Variants in CLSTN1 observed in about 807,000 individuals in gnomAD.
The protein encoded by CLSTN1 is calsyntenin 1, also known as calsyntenin-1.
In CLSTN1, 28 loss-of-function variants were observed where a neutral mutation model predicts 108.3. That is an observed-to-expected ratio of 0.26 (90% CI 0.19 to 0.35). The LOEUF (loss-of-function observed/expected upper bound fraction) is 0.35. CLSTN1 is among the 10% of genes least tolerant of loss of function. CLSTN1 has a pLI of 1.00. For synonymous variants in CLSTN1, 524 were observed against 534.9 expected, an observed-to-expected ratio of 0.98 and a Z score of 0.28; for missense variants, 1,157 against 1,302.6, an observed-to-expected ratio of 0.89 and a Z score of 1.72.
At chr1:9,772,104 G>C (rs1454077705) in intron 2 of CLSTN1, among the ~76,000 whole-genome samples, 1 of 140,124 alleles carries the variant, frequency 7.1e-6, no homozygotes, top group Non-Finnish European at 1.5e-5. Context: ...TGCCTCCGGA[G>C]TACCTAGGAC....
chr1:9,755,388 C>T (rs1292804890), intron 3 of CLSTN1, 79 bp from the exon 4 acceptor site: 1 of 1,193,214 alleles, frequency 8.4e-7, no homozygotes. Context: ...CCCATCTCCA[C>T]CCCCAAAGAA....
chr1:9,784,468 A>G (rs1302929987), intron 1 of CLSTN1, among the ~76,000 whole-genome samples: 1 of 152,188 alleles, frequency 6.6e-6, no homozygotes, highest in East Asian at 1.9e-4. Flanking sequence ...AGATCTCACC[A>G]CTGCAGTCCA....
chr1:9,789,796 T>C lies in CLSTN1; in HGVS notation c.92-16402A>G, dbSNP rs532337796. Among the ~76,000 whole-genome samples, 26 of 151,402 alleles carry C rather than the reference T, an allele frequency of 1.7e-4. 2 individuals are homozygous for C. The South Asian group carries it at 5.4e-3, about 31-fold the overall frequency. ...GAGTTCAAAATCAGCTAAGGCAACATGGCGAAACCCGTCTCTAGTAAAAAA... is the reference window on the plus strand; with the variant it reads ...GAGTTCAAAATCAGCTAAGGCAACACGGCGAAACCCGTCTCTAGTAAAAAA... On this transcript the variant is annotated intron_variant, in intron 1 of 18. Transcript: ENST00000377298.
At chr1:9,794,094 C>A (rs1390175297) in intron 1 of CLSTN1, among the ~76,000 whole-genome samples, 1 of 151,466 alleles carries the variant, frequency 6.6e-6, no homozygotes, top group Non-Finnish European at 1.5e-5. Context: ...AAGGCACTCA[C>A]ACTTTGTAAA....
At chr1:9,788,867 CAAAAAAAAAAAAA>C (rs56093052) in intron 1 of CLSTN1, among the ~76,000 whole-genome samples, 1 of 76,278 alleles carries the variant, frequency 1.3e-5, no homozygotes, top group African/African-American at 5.1e-5. Context: ...GACTCCGTCT[CAAAAAAAAAAAAA>C]AAAAAAAACA....
In CLSTN1 at chr1:9,755,132, T is replaced by C. The variant is rs1269318534; in HGVS notation, c.422A>G (p.Asn141Ser). The C allele has an allele frequency of 6.2e-7, 1 of 1,610,974 alleles. No individual in the cohort carries two copies. Among genetic ancestry groups the C allele is most frequent in the Admixed American group, 1.7e-5 (1 of 59,786 alleles). ...TACTTACTTATGAGACTTTTTCACG[T>C]TGGTGCCATCAGGTCCCTTCCCACA... ...YDCGKGPDGT[N>S]VKKSHKATVH... The change falls in exon 4 of 19, where the codon AAC becomes AGC. Residue 141 changes from asparagine (N) to serine (S), a missense_variant. Transcript: ENST00000377298.
intron 7 of CLSTN1, among the ~76,000 whole-genome samples, chr1:9,746,692 C>T (rs959436662): frequency 2.0e-5 from 3 of 151,300 alleles, no homozygotes; most frequent in African/African-American, 4.9e-5. Flanking sequence ...CCAGCCTGGG[C>T]GACAGTGAGA....
chr1:9,811,737 A>C (rs1186513387), intron 1 of CLSTN1, among the ~76,000 whole-genome samples: 1 of 152,030 alleles, frequency 6.6e-6, no homozygotes, highest in Non-Finnish European at 1.5e-5. Context: ...ATGGCAAAAA[A>C]AAAAAAAAAA....
At chr1:9,746,906 G>A (rs995660717) in intron 7 of CLSTN1, among the ~76,000 whole-genome samples, 8 of 151,968 alleles carry the variant, frequency 5.3e-5, no homozygotes, top group African/African-American at 1.4e-4. Flanking sequence ...AAGGCCAGGC[G>A]CAGTGGCTCA....
chr1:9,743,265 A>C (rs1651070432), intron 9 of CLSTN1, among the ~76,000 whole-genome samples: 1 of 152,180 alleles, frequency 6.6e-6, no homozygotes, highest in Admixed American at 6.5e-5. Context: ...TATCACAGCA[A>C]CTGCTAGAAA....
chr1:9,741,055 T>TTA, intron 10 of CLSTN1, 39 bp downstream of exon 10: 1 of 1,599,520 alleles, frequency 6.3e-7, no homozygotes, highest in Non-Finnish European at 8.5e-7. Flanking sequence ...GAGGTACAAC[T>TTA]TAATTCTCGA....
At chr1:9,743,226 G>A (rs946972122) in intron 9 of CLSTN1, among the ~76,000 whole-genome samples, 9 of 152,280 alleles carry the variant, frequency 5.9e-5, no homozygotes, top group East Asian at 1.9e-4. Context: ...CCTGTAGCAC[G>A]TGGGGTTTTT....
chr1:9,761,004 C>G (rs183116129), intron 2 of CLSTN1, among the ~76,000 whole-genome samples: 1 of 152,100 alleles, frequency 6.6e-6, no homozygotes, highest in African/African-American at 2.4e-5. Context: ...CTCCCTCCCA[C>G]TCAATTCAGC....
chr1:9,772,547 T>A (rs1652742819), intron 2 of CLSTN1, among the ~76,000 whole-genome samples: 2 of 152,154 alleles, frequency 1.3e-5, no homozygotes, highest in African/African-American at 2.4e-5. Flanking sequence ...CAACTCCAAC[T>A]CTGAGGCAGA....
At chr1:9,768,498 T>C (rs187826460) in intron 2 of CLSTN1, among the ~76,000 whole-genome samples, 1,052 of 91,612 alleles carry the variant, frequency 0.011, 24 homozygotes, top group Middle Eastern at 0.018. Context: ...CTGTGCTGGG[T>C]GGCACCATGG....
chr1:9,749,534 C>T lies in CLSTN1; in HGVS notation c.912G>A (p.Glu304=). 1.2e-6 allele frequency: 2 copies of T among 1,614,234 alleles called. No homozygotes were observed. Among genetic ancestry groups the T allele is most frequent in the Non-Finnish European group, 1.7e-6 (2 of 1,180,048 alleles). ...EPVASVQATV[E]LETSHIGKGC... is the part of the protein sequence containing the mutation. ...CTTTCCCTATGTGGCTGGTTTCTAG[C>T]TCCACTGTGGCCTGTACTGAGGCGA... Residue 304 remains glutamate, a synonymous_variant, in exon 7 of 19, where the codon GAG becomes GAA. Coordinates refer to ENST00000377298, the MANE Select transcript of CLSTN1 (RefSeq NM_001009566.3).
intron 1 of CLSTN1, among the ~76,000 whole-genome samples, chr1:9,792,773 G>A (rs1334282042): frequency 6.6e-6 from 1 of 151,340 alleles, no homozygotes; most frequent in Non-Finnish European, 1.5e-5. Flanking sequence ...CTTGGACCAA[G>A]GTGGATGGGT....
chr1:9,764,230 C>T (rs1209004799), intron 2 of CLSTN1, among the ~76,000 whole-genome samples: 1 of 151,398 alleles, frequency 6.6e-6, no homozygotes, highest in Non-Finnish European at 1.5e-5. Flanking sequence ...TCACCCACTA[C>T]CCCCCACCCC....
At chr1:9,742,142 C>A (rs1490066742) in intron 9 of CLSTN1, among the ~76,000 whole-genome samples, 1 of 152,146 alleles carries the variant, frequency 6.6e-6, no homozygotes, top group African/African-American at 2.4e-5. Context: ...ATTGTAAACA[C>A]AAAAACATTT....
Sources: gnomAD v4.1 joint callset for allele counts (sites outside exome capture counted in the v4.1 genomes callset) on GRCh38, gnomAD v4.1.1 for gene constraint, MANE v1.5 for transcripts, NCBI Gene and HGNC (gene_info 2026-07-23, HGNC 2026-07-21) for gene names.